The following RBFOX1 variants were observed in gnomAD, a reference collection of about 807,000 sequenced individuals.
The protein encoded by RBFOX1 is RNA binding protein fox-1 homolog 1.
RBFOX1 carries 8 observed loss-of-function variants against 57.7 expected under a neutral mutation model. The ratio of observed to expected loss-of-function variants is 0.14; its 90% CI spans 0.08 to 0.25. The LOEUF (loss-of-function observed/expected upper bound fraction) is 0.25, where lower values mean the gene tolerates loss of function less well. Ranked by LOEUF, RBFOX1 falls within the 10% of genes least tolerant of loss-of-function variation. RBFOX1 has a pLI of 1.00. For synonymous variants in RBFOX1, 326 were observed against 222.4 expected (o/e 1.47, Z -4.15); for missense variants, 611 against 548.5 (o/e 1.11, Z -1.14).
chr16:5,822,293 GA>G (rs1202311549), intron 3 of RBFOX1, among the ~76,000 whole-genome samples: 1 of 152,180 alleles, frequency 6.6e-6, no homozygotes, highest in Admixed American at 6.5e-5. Flanking sequence ...GGAATAGGGA[GA>G]GGGGCAAGGG....
intron 11 of RBFOX1, among the ~76,000 whole-genome samples, chr16:7,642,402 G>A (rs1435580067): frequency 6.6e-6 from 1 of 152,136 alleles, no homozygotes; most frequent in East Asian, 1.9e-4. Context: ...AGCTATGGCT[G>A]GGACTGAAAT....
At chr16:5,639,289 G>T (rs1054425643) in intron 3 of RBFOX1, among the ~76,000 whole-genome samples, 4 of 152,192 alleles carry the variant, frequency 2.6e-5, no homozygotes, top group African/African-American at 9.7e-5. Flanking sequence ...ACCACATAAA[G>T]GCCTGAATTT....
At chr16:7,293,433 A>T (rs1019260670) in intron 4 of RBFOX1, among the ~76,000 whole-genome samples, 1 of 152,184 alleles carries the variant, frequency 6.6e-6, no homozygotes, top group Admixed American at 6.5e-5. Context: ...GTGTTTTTAA[A>T]ATGAGAATCA....
At chr16:7,246,398 T>G (rs60702050) in intron 4 of RBFOX1, among the ~76,000 whole-genome samples, 3,368 of 152,246 alleles carry the variant, frequency 0.022, 121 homozygotes, top group African/African-American at 0.077. Flanking sequence ...ATAACCCGAA[T>G]GTTTTCCTCT....
At chr16:6,880,271 A>G (rs1230665368) in intron 3 of RBFOX1, among the ~76,000 whole-genome samples, 1 of 152,144 alleles carries the variant, frequency 6.6e-6, no homozygotes, top group African/African-American at 2.4e-5. Flanking sequence ...AACCTTGGGG[A>G]AAAAAATGAG....
chr16:7,084,032 A>T (rs571474444), intron 4 of RBFOX1, among the ~76,000 whole-genome samples: 112 of 152,216 alleles, frequency 7.4e-4, no homozygotes, highest in Admixed American at 4.9e-3. Context: ...TCTCCTGATC[A>T]TCTTTCAGGT....
intron 2 of RBFOX1, among the ~76,000 whole-genome samples, chr16:6,365,260 G>A (rs2089369734): frequency 6.6e-6 from 1 of 152,022 alleles, no homozygotes; most frequent in Non-Finnish European, 1.5e-5. Context: ...AGATGGATGG[G>A]GGGATAGGTG....
At chr16:6,782,710 G>C (rs1198531354) in intron 3 of RBFOX1, among the ~76,000 whole-genome samples, 1 of 152,134 alleles carries the variant, frequency 6.6e-6, no homozygotes, top group Non-Finnish European at 1.5e-5. Flanking sequence ...TTCAGCTATC[G>C]AATGAAATGT....
Position 7,045,553 on chromosome 16 carries a change from C to T in RBFOX1, c.-15-6504C>T, listed in dbSNP as rs574983784. Among the ~76,000 whole-genome samples, 26 of 152,274 alleles carry T rather than the reference C, an allele frequency of 1.7e-4. 1 individual carries two copies. In the South Asian group the frequency reaches 5.2e-3, roughly 30 times the overall value. On this transcript the variant is annotated intron_variant, in intron 3 of 15. Coordinates refer to ENST00000550418, the MANE Select transcript of RBFOX1 (RefSeq NM_018723.4). Reference sequence around the variant, plus strand: ...ATGGCACAAGTCAGAGGTCAGTAGGCCCCCTGGTTCCTTCAGTGTCGTCAT... The same window carrying T: ...ATGGCACAAGTCAGAGGTCAGTAGGTCCCCTGGTTCCTTCAGTGTCGTCAT...
chr16:5,899,862 C>G (rs541498672), intron 4 of RBFOX1, among the ~76,000 whole-genome samples: 4 of 152,222 alleles, frequency 2.6e-5, no homozygotes, highest in African/African-American at 9.6e-5. Context: ...TCACGTGAGC[C>G]CAGGAGTTCG....
chr16:5,479,910 G>A (rs1597234843), intron 2 of RBFOX1, among the ~76,000 whole-genome samples: 1 of 152,082 alleles, frequency 6.6e-6, no homozygotes, highest in Non-Finnish European at 1.5e-5. Context: ...GCACAGACTG[G>A]TCTTCAGTGT....
intron 1 of RBFOX1, among the ~76,000 whole-genome samples, chr16:6,032,596 G>C (rs990403925): frequency 6.6e-6 from 1 of 152,094 alleles, no homozygotes; most frequent in Admixed American, 6.5e-5. Context: ...AGCAGTGTCT[G>C]GAACAAATGC....
At chr16:6,431,894 TTGCTTTCTTTC>T (rs1377934237) in intron 2 of RBFOX1, among the ~76,000 whole-genome samples, 3 of 109,634 alleles carry the variant, frequency 2.7e-5, no homozygotes, top group South Asian at 3.2e-4. Context: ...GCTTGCTTGC[TTGCTTTCTTTC>T]TTTCTTTCTT....
intron 2 of RBFOX1, among the ~76,000 whole-genome samples, chr16:5,521,391 G>C (rs904980404): frequency 1.3e-5 from 2 of 152,128 alleles, no homozygotes; most frequent in African/African-American, 4.8e-5. Context: ...AAAGAAAAAA[G>C]ATCATTCCAG....
At chr16:6,917,963 A>G (rs1193640988) in intron 3 of RBFOX1, among the ~76,000 whole-genome samples, 1 of 152,276 alleles carries the variant, frequency 6.6e-6, no homozygotes, top group East Asian at 1.9e-4. Context: ...AGGGTAGCCT[A>G]CAGGAGAGCC....
chr16:6,878,452 C>A (rs1033609890), intron 3 of RBFOX1, among the ~76,000 whole-genome samples: 5 of 152,156 alleles, frequency 3.3e-5, no homozygotes, highest in Non-Finnish European at 2.9e-5. Flanking sequence ...AGAAGCAACA[C>A]CACCCTGTCT....
Position 6,542,827 on chromosome 16 carries a change from T to C in RBFOX1, c.-63-111776T>C, listed in dbSNP as rs183751625. Among the ~76,000 whole-genome samples, 430 of 152,208 alleles carry C rather than the reference T, an allele frequency of 2.8e-3. 1 individual carries two copies. The highest frequency in any genetic ancestry group is 0.017 in the Middle Eastern group (5 of 294). ...TCTTAAGACGCTGGCTCTGCCTTCC[T>C]GGGTGCCACAGTTACCATCTTTTGT... On this transcript the variant is annotated intron_variant, in intron 2 of 15. Transcript: ENST00000550418.
At chr16:7,313,098 C>G (rs139316197) in intron 4 of RBFOX1, among the ~76,000 whole-genome samples, 1 of 152,082 alleles carries the variant, frequency 6.6e-6, no homozygotes, top group Non-Finnish European at 1.5e-5. Context: ...ACTCGTACTT[C>G]CACATCACTC....
chr16:5,551,886 C>T (rs573538310), intron 2 of RBFOX1, among the ~76,000 whole-genome samples: 26 of 150,892 alleles, frequency 1.7e-4, no homozygotes, highest in African/African-American at 6.1e-4. Flanking sequence ...TGAGAATATG[C>T]GGTGTTTGGT....
Sources: allele counts gnomAD v4.1 joint callset (sites outside exome capture counted in the v4.1 genomes callset), GRCh38; gene constraint gnomAD v4.1.1; transcripts MANE v1.5; gene names NCBI Gene and HGNC (gene_info 2026-07-23, HGNC 2026-07-21).